Variants in RBFOX1 observed in about 807,000 individuals in gnomAD.
RBFOX1 encodes RNA binding protein fox-1 homolog 1.
A neutral mutation model predicts 57.7 loss-of-function variants in RBFOX1; 8 were observed. The ratio of observed to expected loss-of-function variants is 0.14; its 90% confidence interval spans 0.08 to 0.25. RBFOX1 has a LOEUF of 0.25. Ranked by LOEUF, RBFOX1 falls within the 10% of genes least tolerant of loss-of-function variation. The pLI, the probability that RBFOX1 is intolerant of heterozygous loss-of-function variation, is 1.00. For synonymous variants in RBFOX1, 326 were observed against 222.4 expected (o/e 1.47, Z -4.15); for missense variants, 611 against 548.5 (o/e 1.11, Z -1.14).
chr16:6,616,953 G>A (rs151266140), intron 2 of RBFOX1, among the ~76,000 whole-genome samples: 53 of 152,300 alleles, frequency 3.5e-4, no homozygotes, highest in African/African-American at 1.2e-3. Context: ...TTCCTGCCAC[G>A]ACAGCAGAGT....
chr16:5,892,806 C>T (rs1339370541), intron 4 of RBFOX1, among the ~76,000 whole-genome samples: 1 of 152,104 alleles, frequency 6.6e-6, no homozygotes, highest in East Asian at 1.9e-4. Flanking sequence ...GAGAGCATGG[C>T]CAAGTCAAGG....
At chr16:6,153,463 T>G (rs1235361748) in intron 1 of RBFOX1, among the ~76,000 whole-genome samples, 1 of 152,216 alleles carries the variant, frequency 6.6e-6, no homozygotes, top group African/African-American at 2.4e-5. Flanking sequence ...GTTCTTATAT[T>G]CAAATGAACA....
chr16:7,539,585 G>A (rs1305676486), intron 5 of RBFOX1, among the ~76,000 whole-genome samples: 2 of 152,162 alleles, frequency 1.3e-5, no homozygotes, highest in Non-Finnish European at 2.9e-5. Flanking sequence ...ATGCTTAAAT[G>A]GATGAGTTGT....
intron 4 of RBFOX1, among the ~76,000 whole-genome samples, chr16:7,413,977 A>C (rs1421215700): frequency 6.6e-6 from 1 of 152,220 alleles, no homozygotes; most frequent in East Asian, 1.9e-4. Context: ...GATGGTTCTC[A>C]GATGTTGGTG....
intron 1 of RBFOX1, among the ~76,000 whole-genome samples, chr16:6,246,428 A>G (rs912008040): frequency 6.6e-6 from 1 of 152,150 alleles, no homozygotes; most frequent in Non-Finnish European, 1.5e-5. Context: ...GATTGCAAGT[A>G]ACAGAACCCC....
At chr16:7,687,513 A>G (rs540902982) in intron 14 of RBFOX1, among the ~76,000 whole-genome samples, 1 of 152,128 alleles carries the variant, frequency 6.6e-6, no homozygotes, top group South Asian at 2.1e-4. Context: ...ACTCTTTGGT[A>G]AGATCAGCAA....
At chr16:5,374,041 C>T (rs968039591) in intron 1 of RBFOX1, among the ~76,000 whole-genome samples, 7 of 152,206 alleles carry the variant, frequency 4.6e-5, no homozygotes, top group African/African-American at 1.7e-4. Flanking sequence ...CCTCACCCTC[C>T]TGAGTAGCTG....
chr16:6,870,980 G>A (rs1364638099), intron 3 of RBFOX1, among the ~76,000 whole-genome samples: 1 of 152,216 alleles, frequency 6.6e-6, no homozygotes, highest in Non-Finnish European at 1.5e-5. Flanking sequence ...GTAAGTGGAT[G>A]AAGCCCACTA....
At chr16:5,604,599 C>T (rs2047498217), downstream of RBFOX1, among the ~76,000 whole-genome samples, 1 of 152,094 alleles carries the variant, frequency 6.6e-6, no homozygotes, top group South Asian at 2.1e-4. Flanking sequence ...CATGGCATGC[C>T]CATCATCTTT....
chr16:6,699,682 G>C (rs2061543825), intron 3 of RBFOX1, among the ~76,000 whole-genome samples: 2 of 152,142 alleles, frequency 1.3e-5, no homozygotes, highest in African/African-American at 4.8e-5. Context: ...TGATGGACAA[G>C]GCATTGGGTT....
intron 2 of RBFOX1, among the ~76,000 whole-genome samples, chr16:6,595,404 A>G (rs1352359750): frequency 2.0e-5 from 3 of 152,236 alleles, no homozygotes; most frequent in Non-Finnish European, 4.4e-5. Context: ...CACGTTTTGT[A>G]GCCAAATAAT....
chr16:7,273,931 G>T (rs1424524069), intron 4 of RBFOX1, among the ~76,000 whole-genome samples: 1 of 152,084 alleles, frequency 6.6e-6, no homozygotes, highest in African/African-American at 2.4e-5. Flanking sequence ...CTGTTTTTCT[G>T]TAGTATTACT....
At chr16:5,776,263 C>T (rs1449444546) in intron 3 of RBFOX1, among the ~76,000 whole-genome samples, 1 of 152,218 alleles carries the variant, frequency 6.6e-6, no homozygotes, top group Non-Finnish European at 1.5e-5. Context: ...ATTCAGAAGG[C>T]TGCAGTACCC....
At chr16:6,761,922 G>C (rs1418168233) in intron 3 of RBFOX1, among the ~76,000 whole-genome samples, 1 of 152,006 alleles carries the variant, frequency 6.6e-6, no homozygotes, top group Non-Finnish European at 1.5e-5. Context: ...TTCACCTCTA[G>C]ACTGATGATC....
intron 2 of RBFOX1, among the ~76,000 whole-genome samples, chr16:6,574,500 C>G (rs573953950): frequency 4.9e-4 from 73 of 148,010 alleles, no homozygotes; most frequent in African/African-American, 1.8e-3. Context: ...GCGATCTCCG[C>G]TCACTGCAAG....
At chr16:5,954,852 C>T (rs549320258) in intron 4 of RBFOX1, among the ~76,000 whole-genome samples, 3 of 151,866 alleles carry the variant, frequency 2.0e-5, no homozygotes, top group Non-Finnish European at 4.4e-5. Context: ...GAGAGCATTC[C>T]CAGGGTGGAC....
At chr16:6,903,299 G>C (rs544023378) in intron 3 of RBFOX1, among the ~76,000 whole-genome samples, 1 of 152,296 alleles carries the variant, frequency 6.6e-6, no homozygotes, top group African/African-American at 2.4e-5. Flanking sequence ...ACCGTTCCTA[G>C]AGAGGTCAGC....
chr16:7,289,831 C>A (rs1236385127), intron 4 of RBFOX1, among the ~76,000 whole-genome samples: 1 of 152,140 alleles, frequency 6.6e-6, no homozygotes, highest in Non-Finnish European at 1.5e-5. Context: ...ATCCAAGACT[C>A]AGGAAGTTTT....
intron 3 of RBFOX1, among the ~76,000 whole-genome samples, chr16:6,711,337 A>T (rs984456442): frequency 6.6e-6 from 1 of 152,126 alleles, no homozygotes; most frequent in Non-Finnish European, 1.5e-5. Flanking sequence ...ATTTTTCACA[A>T]GGTCCCCACA....
Sources: allele counts gnomAD v4.1 joint callset (sites outside exome capture counted in the v4.1 genomes callset), GRCh38; gene constraint gnomAD v4.1.1; transcripts MANE v1.5; gene names NCBI Gene and HGNC (gene_info 2026-07-23, HGNC 2026-07-21).